The following SLC1A2 variants were observed in gnomAD, a reference collection of about 807,000 sequenced individuals.
SLC1A2 encodes solute carrier family 1 member 2.
A neutral mutation model predicts 48.8 loss-of-function variants in SLC1A2; 15 were observed. That is an observed-to-expected ratio of 0.31 (90% confidence interval 0.21 to 0.47). The LOEUF (loss-of-function observed/expected upper bound fraction) is 0.47. Ranked by LOEUF, SLC1A2 falls within the 20% of genes least tolerant of loss-of-function variation. The pLI, the probability that SLC1A2 is intolerant of heterozygous loss-of-function variation, is 0.99. For synonymous variants in SLC1A2, 279 were observed against 272.6 expected, an observed-to-expected ratio of 1.02 and a Z score of -0.23; for missense variants, 502 against 730.5, an observed-to-expected ratio of 0.69 and a Z score of 3.61.
chr11:35,351,483 G>A (rs1227610045), intron 1 of SLC1A2, among the ~76,000 whole-genome samples: 1 of 152,146 alleles, frequency 6.6e-6, no homozygotes, highest in Non-Finnish European at 1.5e-5. Flanking sequence ...CAGGCCCTAA[G>A]GAGGTTTATA....
chr11:35,307,577 A>G (rs1221845191), intron 4 of SLC1A2, among the ~76,000 whole-genome samples: 1 of 152,258 alleles, frequency 6.6e-6, no homozygotes, highest in African/African-American at 2.4e-5. Flanking sequence ...GCTGGCATGT[A>G]GTAGGTAACA....
chr11:35,395,171 G>A (rs1565300700), intron 1 of SLC1A2, among the ~76,000 whole-genome samples: 1 of 152,136 alleles, frequency 6.6e-6, no homozygotes, highest in Non-Finnish European at 1.5e-5. Context: ...AGGACTGAAA[G>A]AGGAGCACTT....
chr11:35,395,436 C>T (rs1854922133), intron 1 of SLC1A2, among the ~76,000 whole-genome samples: 1 of 151,904 alleles, frequency 6.6e-6, no homozygotes, highest in Non-Finnish European at 1.5e-5. Context: ...AAAGACTGTC[C>T]AAGGGAGCAG....
At chr11:35,352,623 T>C (rs1450189270) in intron 1 of SLC1A2, among the ~76,000 whole-genome samples, 1 of 152,194 alleles carries the variant, frequency 6.6e-6, no homozygotes, top group East Asian at 1.9e-4. Flanking sequence ...GCACAATTTC[T>C]CCTCCTGATA....
At chr11:35,338,935 G>T (rs1398927973) in intron 1 of SLC1A2, among the ~76,000 whole-genome samples, 1 of 152,196 alleles carries the variant, frequency 6.6e-6, no homozygotes, top group African/African-American at 2.4e-5. Flanking sequence ...GAAGGGGTCA[G>T]CATCTAGAGC....
At chr11:35,323,326 G>A (rs890384020) in intron 1 of SLC1A2, 2 of 157,428 alleles carry the variant, frequency 1.3e-5, no homozygotes, top group Admixed American at 6.0e-5. Flanking sequence ...GGGTGTGTCA[G>A]GGGAAAAGTA....
At chr11:35,273,249 C>T (rs1247001570) in intron 9 of SLC1A2, among the ~76,000 whole-genome samples, 1 of 152,144 alleles carries the variant, frequency 6.6e-6, no homozygotes, top group Non-Finnish European at 1.5e-5. Context: ...AGGCCCCAAA[C>T]CCGAGGAAGG....
chr11:35,263,525 A>G (rs761104615), intron 10 of SLC1A2, among the ~76,000 whole-genome samples: 2 of 152,174 alleles, frequency 1.3e-5, no homozygotes, highest in Non-Finnish European at 2.9e-5. Flanking sequence ...TTCAAAAACA[A>G]ATCCAGGAAG....
chr11:35,402,709 C>G (rs1400004388), intron 1 of SLC1A2, among the ~76,000 whole-genome samples: 5 of 152,196 alleles, frequency 3.3e-5, no homozygotes, highest in Non-Finnish European at 7.3e-5. Flanking sequence ...ACTGAGCCCT[C>G]AATCTGTAGG....
At chr11:35,370,066 A>G (rs891724877) in intron 1 of SLC1A2, among the ~76,000 whole-genome samples, 1 of 152,196 alleles carries the variant, frequency 6.6e-6, no homozygotes, top group Non-Finnish European at 1.5e-5. Context: ...TGACCCTCCA[A>G]TAGGCTGTAG....
intron 1 of SLC1A2, among the ~76,000 whole-genome samples, chr11:35,390,176 A>G (rs533632513): frequency 2.0e-5 from 3 of 152,212 alleles, no homozygotes; most frequent in Admixed American, 6.5e-5. Context: ...CAAAAAACCC[A>G]CTTGACTTTA....
chr11:35,321,442 C>T (rs2134930283), intron 1 of SLC1A2, among the ~76,000 whole-genome samples: 1 of 152,176 alleles, frequency 6.6e-6, no homozygotes, highest in Admixed American at 6.5e-5. Context: ...GTATTTTATG[C>T]AATTTGTCTA....
chr11:35,359,912 C>T (rs1431998018), intron 1 of SLC1A2: 1 of 166,322 alleles, frequency 6.0e-6, no homozygotes, highest in African/African-American at 2.4e-5. Flanking sequence ...CCAAAATAGG[C>T]TCTCATGAGT....
chr11:35,338,501 AG>A (rs1274516291), intron 1 of SLC1A2, among the ~76,000 whole-genome samples: 4 of 152,154 alleles, frequency 2.6e-5, no homozygotes, highest in African/African-American at 9.7e-5. Flanking sequence ...ATGTGGACCA[AG>A]TTGGTCCAGT....
chr11:35,292,238 G>A (rs1353692921), intron 7 of SLC1A2, 49 bp downstream of exon 7: 4 of 1,334,416 alleles, frequency 3.0e-6, no homozygotes, highest in Non-Finnish European at 4.2e-6. Context: ...AAATGGCAAA[G>A]AGGGCAAAAG....
intron 10 of SLC1A2, 79 bp downstream of exon 10, chr11:35,265,448 T>G: frequency 1.3e-6 from 1 of 754,936 alleles, no homozygotes; most frequent in Non-Finnish European, 2.2e-6. Flanking sequence ...ATGCAGGGCT[T>G]TACGGTTTTT....
intron 1 of SLC1A2, among the ~76,000 whole-genome samples, chr11:35,338,392 T>C (rs967032687): frequency 2.6e-5 from 4 of 152,074 alleles, no homozygotes; most frequent in Admixed American, 2.6e-4. Context: ...CCCTTCTAAC[T>C]CCCGTCCCTA....
chr11:35,382,661 T>C (rs983040286), intron 1 of SLC1A2, among the ~76,000 whole-genome samples: 8 of 152,158 alleles, frequency 5.3e-5, no homozygotes, highest in African/African-American at 1.9e-4. Context: ...CTGGGCGTGG[T>C]GGCAGGTGCC....
In SLC1A2 at chr11:35,257,476, T is replaced by G. The variant is rs932129648; in HGVS notation, c.*3418A>C. On this transcript the variant is annotated 3_prime_UTR_variant, in exon 11 of 11. Coordinates refer to ENST00000278379, the MANE Select transcript of SLC1A2 (RefSeq NM_004171.4). Reference sequence around the variant, plus strand: ...AATAGGAAGTAAAAACTGAAACTGATAGCTATGTGGTTCAGCTCTCATAAC... The same window carrying G: ...AATAGGAAGTAAAAACTGAAACTGAGAGCTATGTGGTTCAGCTCTCATAAC... The G allele has an allele frequency of 9.9e-5, 15 of 152,198 alleles. No individual in the cohort carries two copies. The highest frequency in any genetic ancestry group is 3.6e-4 in the African/African-American group (15 of 41,458). 9.4% of individuals were successfully genotyped at this position (152,198 alleles called of 1,614,324 possible).
Sources: allele counts gnomAD v4.1 joint callset (sites outside exome capture counted in the v4.1 genomes callset), GRCh38; gene constraint gnomAD v4.1.1; transcripts MANE v1.5; gene names NCBI Gene and HGNC (gene_info 2026-07-23, HGNC 2026-07-21).